The following ADD2 variants were observed in gnomAD, a reference collection of about 807,000 sequenced individuals.
ADD2 encodes the protein adducin 2.
In ADD2, 23 loss-of-function variants were observed where a neutral mutation model predicts 83.0. The observed-to-expected ratio is 0.28, with a 90% CI of 0.20 to 0.39. The LOEUF is 0.39. ADD2 is among the 10% of genes least tolerant of loss of function. The pLI is 1.00. For synonymous variants in ADD2, 375 were observed against 375.4 expected (o/e 1.00, Z 0.01); for missense variants, 758 against 944.9 (o/e 0.80, Z 2.59).
chr2:70,731,465 A>G (rs1451712207), intron 1 of ADD2, among the ~76,000 whole-genome samples: 1 of 152,170 alleles, frequency 6.6e-6, no homozygotes, highest in Non-Finnish European at 1.5e-5. Context: ...AAAAATAGCA[A>G]AGAACTAGAC....
In ADD2 at chr2:70,676,424, G is replaced by C; in HGVS notation, c.1593+372C>G. On this transcript the variant is annotated intron_variant, in intron 13 of 15. Coordinates refer to ENST00000264436, the MANE Select transcript of ADD2 (RefSeq NM_001617.4). The surrounding 1 kb of genome is among the most constrained non-coding windows in gnomAD (Gnocchi z 4.8). ...CAGGCTCAGAGGTCAGAGACTCTCA[G>C]GGCTGGGCACACCTGGGGCACCTGG... 4 of 1,207,026 alleles carry C rather than the reference G, an allele frequency of 3.3e-6. No homozygotes were observed. Among genetic ancestry groups the C allele is most frequent in the Non-Finnish European group, 3.1e-6 (3 of 966,942 alleles). The allele number at this position is 1,207,026 out of a possible 1,614,324, so 74.8% of individuals were successfully genotyped here.
chr2:70,685,401 C>T (rs1272603252), intron 9 of ADD2, among the ~76,000 whole-genome samples: 6 of 152,118 alleles, frequency 3.9e-5, no homozygotes, highest in Non-Finnish European at 5.9e-5. Flanking sequence ...ATATTATCTA[C>T]GCCCTTCTCG....
chr2:70,702,701 G>GAA (rs77903261), intron 4 of ADD2, among the ~76,000 whole-genome samples: 3,931 of 141,364 alleles, frequency 0.028, 181 homozygotes, highest in African/African-American at 0.095. Context: ...GGAGAAACTG[G>GAA]AAAAAAAAAA....
Position 70,706,369 on chromosome 2 carries a change from G to A in ADD2, c.40C>T (p.Pro14Ser), listed in dbSNP as rs1553374484. 2.5e-6 allele frequency: 4 copies of A among 1,611,974 alleles called. No individual in the cohort carries two copies. Among genetic ancestry groups the A allele is most frequent in the East Asian group, 2.2e-5 (1 of 44,846 alleles). Residue 14 changes from proline to serine, a missense_variant, in exon 3 of 16, where the codon CCC (proline) becomes TCC (serine). Pro to Ser is a moderately conservative substitution (Grantham distance 74). Transcript: ENST00000264436. This position sits in a 1 kb window ranked among gnomAD's most constrained non-coding sequence, Gnocchi z 5.0. Reference protein sequence around the residue: ...ETVPEAASPPPPQGQPYFDRF... With the variant: ...ETVPEAASPPSPQGQPYFDRF... ...TCAAAGTAAGGCTGCCCCTGCGGGGGCGGCGGCGAGGCAGCCTCGGGGACC... is the reference window on the plus strand; with the variant it reads ...TCAAAGTAAGGCTGCCCCTGCGGGGACGGCGGCGAGGCAGCCTCGGGGACC...
chr2:70,684,761 C>A (rs1309201935), intron 9 of ADD2, among the ~76,000 whole-genome samples: 2 of 152,166 alleles, frequency 1.3e-5, no homozygotes, highest in Admixed American at 1.3e-4. Context: ...AGAGTTCCCA[C>A]ACATGGACTT....
At chr2:70,716,736 TAC>T (rs1278607910) in intron 1 of ADD2, among the ~76,000 whole-genome samples, 1 of 152,154 alleles carries the variant, frequency 6.6e-6, no homozygotes, top group African/African-American at 2.4e-5. Context: ...GAGCTCACGG[TAC>T]AGTGTGAGGA....
Position 70,706,725 on chromosome 2 carries a change from TAG to T in ADD2, c.-34-285_-34-284del, listed in dbSNP as rs1177699089. Among the ~76,000 whole-genome samples, 7 of 152,072 alleles carry T rather than the reference TAG, an allele frequency of 4.6e-5. No individual in the cohort carries two copies. Among genetic ancestry groups the T allele is most frequent in the East Asian group, 1.9e-4 (1 of 5,190 alleles). On this transcript the variant is annotated intron_variant, in intron 2 of 15. Transcript: ENST00000264436. The surrounding 1 kb of genome is among the most constrained non-coding windows in gnomAD (Gnocchi z 5.0). Reference sequence around the variant, plus strand: ...TTAAATGGTCACACTTGGCTTGGAGTAGAGAGTTCCCCGAATGGAAACATGAC... The same window carrying T: ...TTAAATGGTCACACTTGGCTTGGAGTAGAGTTCCCCGAATGGAAACATGAC...
intron 15 of ADD2, among the ~76,000 whole-genome samples, chr2:70,664,156 T>C (rs1381060245): frequency 2.6e-5 from 4 of 152,186 alleles, no homozygotes; most frequent in African/African-American, 7.2e-5. Context: ...AATAAAAACA[T>C]GGAAATTACA....
chr2:70,672,866 A>G lies in ADD2; in HGVS notation c.1870+12T>C, dbSNP rs1553367371. On this transcript the variant is annotated intron_variant, in intron 15 of 15. Transcript: ENST00000264436. ...CCTCTCCCTCCCTCCCAGCCTACTC[A>G]GCTGGACTCACCCTCTAAAGACTTG... 6.2e-7 allele frequency: 1 copy of G among 1,608,288 alleles called. No individual in the cohort carries two copies.
chr2:70,697,780 G>C (rs528134828), intron 4 of ADD2, among the ~76,000 whole-genome samples: 6 of 152,340 alleles, frequency 3.9e-5, no homozygotes, highest in South Asian at 2.1e-4. Context: ...ATTAGTGGAA[G>C]TGATGATGTG....
chr2:70,698,488 T>C (rs1671421515), intron 4 of ADD2, among the ~76,000 whole-genome samples: 1 of 152,158 alleles, frequency 6.6e-6, no homozygotes, highest in South Asian at 2.1e-4. Flanking sequence ...ACCGAATAAG[T>C]TCTAGAATTT....
In ADD2 at chr2:70,678,977, A is replaced by G. The variant is rs781941629; in HGVS notation, c.1126-16T>C. ...TTCTGTAGCCCTATAAAGGACAAAA[A>G]TAGAACCACTTATGGGGTGAGAAAA... On this transcript the variant is annotated splice_polypyrimidine_tract_variant and intron_variant, in intron 10 of 15. Transcript: ENST00000264436. 2.6e-5 allele frequency: 41 copies of G among 1,593,416 alleles called. No individual in the cohort carries two copies. Among genetic ancestry groups the G allele is most frequent in the Middle Eastern group, 1.7e-4 (1 of 5,962 alleles).
At chr2:70,720,020 C>T (rs1214889347) in intron 1 of ADD2, among the ~76,000 whole-genome samples, 2 of 137,010 alleles carry the variant, frequency 1.5e-5, no homozygotes, top group Non-Finnish European at 3.1e-5. Flanking sequence ...TAGAATAAAC[C>T]ATATCCTAAG....
intron 4 of ADD2, 58 bp downstream of exon 4, chr2:70,704,263 T>TGCCCCCCCCCCCC: frequency 1.2e-5 from 11 of 913,236 alleles, no homozygotes; most frequent in East Asian, 2.9e-5. Context: ...CTCCCTCTCT[T>TGCCCCCCCCCCCC]CCCCACCCCA....
intron 1 of ADD2, among the ~76,000 whole-genome samples, chr2:70,714,824 GCCACAA>G (rs1672384624): frequency 6.6e-6 from 1 of 152,140 alleles, no homozygotes. Context: ...CTGCCCTGTG[GCCACAA>G]CCTGCTAAGA....
intron 2 of ADD2, among the ~76,000 whole-genome samples, chr2:70,712,300 C>T (rs368831421): frequency 3.3e-5 from 5 of 151,546 alleles, no homozygotes; most frequent in East Asian, 1.9e-4. Context: ...AAAAATTAGG[C>T]GGGCATGGTG....
At chr2:70,687,884 A>C (rs1670820406) in intron 9 of ADD2, 140 bp downstream of exon 9, 1 of 630,048 alleles carries the variant, frequency 1.6e-6, no homozygotes, top group Non-Finnish European at 2.8e-6. Flanking sequence ...GATGGTGCCA[A>C]GGCAGAGAAA....
rs949000828 is a variant in ADD2, at chr2:70,757,975, C to G, written c.-154+9911G>C. 2.0e-5 allele frequency among the ~76,000 whole-genome samples: 3 copies of G among 152,214 alleles called. No individual in the cohort carries two copies. The East Asian group carries it at 5.8e-4, about 29-fold the overall frequency. On this transcript the variant is annotated intron_variant, in intron 1 of 15. Coordinates refer to ENST00000264436, the MANE Select transcript of ADD2 (RefSeq NM_001617.4). ...CAATAAAATGATTCACAATCAAGCACAAACATTTAACGACCCTTTCAAAAT... is the reference window on the plus strand; with the variant it reads ...CAATAAAATGATTCACAATCAAGCAGAAACATTTAACGACCCTTTCAAAAT...
chr2:70,677,962 C>A, intron 11 of ADD2, 85 bp from the exon 12 acceptor site: 1 of 1,570,752 alleles, frequency 6.4e-7, no homozygotes, highest in Non-Finnish European at 8.7e-7. Flanking sequence ...GATCTGGGCC[C>A]AACATCCTGC....
Sources: allele counts gnomAD v4.1 joint callset (sites outside exome capture counted in the v4.1 genomes callset), GRCh38; gene constraint gnomAD v4.1.1; non-coding constraint Gnocchi (gnomAD v3.1); transcripts MANE v1.5; gene names NCBI Gene and HGNC (gene_info 2026-07-23, HGNC 2026-07-21).